The following TMEM266 variants were observed in gnomAD, a reference collection of about 807,000 sequenced individuals.
TMEM266 encodes transmembrane protein 266, also known as Hv1 related protein 1.
TMEM266 carries 33 observed loss-of-function variants against 50.5 expected under a neutral mutation model. That is an observed-to-expected ratio of 0.65 (90% confidence interval 0.50 to 0.87). The LOEUF (loss-of-function observed/expected upper bound fraction) is 0.87, where lower values mean the gene tolerates loss of function less well. Ranked by LOEUF, TMEM266 falls within the 40% of genes least tolerant of loss-of-function variation. The probability of loss-of-function intolerance (pLI) is 0.00; values close to 1 mark genes in which losing one functional copy is unlikely to be tolerated. For synonymous variants in TMEM266, 310 were observed against 292.3 expected, an observed-to-expected ratio of 1.06 and a Z score of -0.62; for missense variants, 655 against 695.1, an observed-to-expected ratio of 0.94 and a Z score of 0.65.
At chr15:76,066,581 C>A (rs1233968175) in intron 1 of TMEM266, among the ~76,000 whole-genome samples, 7 of 151,852 alleles carry the variant, frequency 4.6e-5, no homozygotes, top group Admixed American at 1.3e-4. Flanking sequence ...CTTTCTCCTT[C>A]CTGCCCTGGT....
At chr15:76,147,555 C>T (rs2037774033) in intron 3 of TMEM266, among the ~76,000 whole-genome samples, 3 of 152,234 alleles carry the variant, frequency 2.0e-5, no homozygotes, top group Admixed American at 2.0e-4. Flanking sequence ...GGACCCCAAA[C>T]TGACCCTGTG....
intron 1 of TMEM266, among the ~76,000 whole-genome samples, chr15:76,098,757 T>A (rs1283565775): frequency 2.0e-5 from 3 of 150,580 alleles, no homozygotes; most frequent in Middle Eastern, 3.4e-3. Flanking sequence ...GGCTGCTGCC[T>A]TTTTTTCAGA....
At chr15:76,130,293 T>C (rs2037489625) in intron 1 of TMEM266, among the ~76,000 whole-genome samples, 1 of 144,582 alleles carries the variant, frequency 6.9e-6, no homozygotes, top group African/African-American at 2.6e-5. Context: ...ATTCCAGCAC[T>C]TTGGGAGGCC....
intron 5 of TMEM266, among the ~76,000 whole-genome samples, chr15:76,167,228 T>C (rs530529644): frequency 4.7e-4 from 71 of 152,226 alleles, no homozygotes; most frequent in African/African-American, 1.6e-3. Context: ...CCCAGCACTT[T>C]GGGAGGCCGA....
rs1484751379 is a variant in TMEM266, at chr15:76,161,177, C to A, written c.456+1009C>A. Among the ~76,000 whole-genome samples, 1 of 152,164 alleles carries A rather than the reference C, an allele frequency of 6.6e-6. No homozygotes were observed. Among genetic ancestry groups the A allele is most frequent in the African/African-American group, 2.4e-5 (1 of 41,430 alleles). ...TCCCTGCTATGGGTACATATTAGCC[C>A]ATGCAAAGTCCCGTGGGCCTTTCAG... is the stretch of plus-strand genomic sequence containing the variant. On this transcript the variant is annotated intron_variant, in intron 5 of 10. Coordinates refer to ENST00000388942, the MANE Select transcript of TMEM266 (RefSeq NM_152335.3). The surrounding 1 kb of genome is among the most constrained non-coding windows in gnomAD (Gnocchi z 4.1).
At chr15:76,198,969 C>A (rs952406110) in intron 9 of TMEM266, among the ~76,000 whole-genome samples, 2 of 152,252 alleles carry the variant, frequency 1.3e-5, no homozygotes, top group Non-Finnish European at 2.9e-5. Context: ...ACTGAAAAGA[C>A]CCCTCATGGC....
chr15:76,137,905 G>A lies in TMEM266; in HGVS notation c.227+10G>A. 6.4e-7 allele frequency: 1 copy of A among 1,551,422 alleles called. No homozygotes were observed. The highest frequency in any genetic ancestry group is 8.7e-7 in the Non-Finnish European group (1 of 1,150,678). The stretch of plus-strand genomic sequence containing the variant: ...ATTACCAAAGAGAAGGGTAGGTGCT[G>A]GGACCATTGAGCTAGCTAAGAAGTC... On this transcript the variant is annotated intron_variant, in intron 3 of 10. Coordinates refer to ENST00000388942, the MANE Select transcript of TMEM266 (RefSeq NM_152335.3).
At chr15:76,167,467 CAAAA>C (rs552656577) in intron 5 of TMEM266, among the ~76,000 whole-genome samples, 2 of 101,220 alleles carry the variant, frequency 2.0e-5, no homozygotes, top group East Asian at 4.1e-4. Flanking sequence ...GAGACTGTTT[CAAAA>C]AAAAAAAAAA....
rs2038533486 is a variant in TMEM266, at chr15:76,189,324, AAG to A, written c.769-2642_769-2641del. 4.1e-5 allele frequency among the ~76,000 whole-genome samples: 6 copies of A among 145,524 alleles called. 1 individual carries two copies. In the South Asian group the frequency reaches 1.3e-3, roughly 31 times the overall value. On this transcript the variant is annotated intron_variant, in intron 8 of 10. Transcript: ENST00000388942. ...CATCGTGACAATCTTGTCTCAAAAAAAGAAAGAGGGAGCAGAGAAAGAAGGAG... is the reference window on the plus strand; with the variant it reads ...CATCGTGACAATCTTGTCTCAAAAAAAAAGAGGGAGCAGAGAAAGAAGGAG...
At chr15:76,188,366 A>G (rs549139956) in intron 8 of TMEM266, among the ~76,000 whole-genome samples, 1 of 152,324 alleles carries the variant, frequency 6.6e-6, no homozygotes, top group African/African-American at 2.4e-5. Flanking sequence ...TAAAGCCATC[A>G]GATTGAGGCA....
intron 3 of TMEM266, among the ~76,000 whole-genome samples, chr15:76,141,325 T>C (rs1409276447): frequency 6.6e-6 from 1 of 151,470 alleles, no homozygotes. Context: ...AACCTCCGTC[T>C]CCCAGGTTTA....
intron 1 of TMEM266, among the ~76,000 whole-genome samples, chr15:76,128,836 T>A (rs979096724): frequency 1.3e-5 from 2 of 152,204 alleles, no homozygotes; most frequent in African/African-American, 4.8e-5. Flanking sequence ...CTCCCATATC[T>A]CCTTTCCAGG....
chr15:76,111,627 C>CT (rs766700812), intron 1 of TMEM266, among the ~76,000 whole-genome samples: 45 of 151,222 alleles, frequency 3.0e-4, no homozygotes, highest in Admixed American at 3.9e-4. Context: ...AGGCTGGTCT[C>CT]TAACTCCTGA....
intron 1 of TMEM266, among the ~76,000 whole-genome samples, chr15:76,099,822 G>C (rs1013815894): frequency 2.0e-5 from 3 of 152,118 alleles, no homozygotes; most frequent in Non-Finnish European, 4.4e-5. Flanking sequence ...AGGTTTAATT[G>C]ACTCACAGTT....
At chr15:76,106,974 T>C (rs2037091069) in intron 1 of TMEM266, among the ~76,000 whole-genome samples, 1 of 152,204 alleles carries the variant, frequency 6.6e-6, no homozygotes, top group Non-Finnish European at 1.5e-5. Flanking sequence ...TATGAGTTGA[T>C]GGTGGATGTT....
chr15:76,156,769 A>G lies in TMEM266; in HGVS notation c.382+11A>G. 1 of 1,612,030 alleles carries G rather than the reference A, an allele frequency of 6.2e-7. No homozygotes were observed. Among genetic ancestry groups the G allele is most frequent in the Non-Finnish European group, 8.5e-7 (1 of 1,178,330 alleles). On this transcript the variant is annotated intron_variant, in intron 4 of 10. Transcript: ENST00000388942. ...TAAAGCTTCTCCAGTGTGAGTAGCA[A>G]GAGAGATACATATGCCAATACATAT...
At chr15:76,092,243 A>G (rs931031756) in intron 1 of TMEM266, among the ~76,000 whole-genome samples, 1 of 152,096 alleles carries the variant, frequency 6.6e-6, no homozygotes, top group African/African-American at 2.4e-5. Flanking sequence ...AATGCTGCTT[A>G]TTGGTCTTCA....
At chr15:76,111,673 G>T (rs942532127) in intron 1 of TMEM266, among the ~76,000 whole-genome samples, 6 of 152,218 alleles carry the variant, frequency 3.9e-5, no homozygotes, top group African/African-American at 1.4e-4. Context: ...CTCCCAAAGT[G>T]CTGGGATTAC....
chr15:76,078,322 A>G (rs1033789690), intron 1 of TMEM266, among the ~76,000 whole-genome samples: 1 of 152,000 alleles, frequency 6.6e-6, no homozygotes, highest in Non-Finnish European at 1.5e-5. Context: ...GGTAGTGAAT[A>G]TGAGCATTTT....
Sources: gnomAD v4.1 joint callset for allele counts (sites outside exome capture counted in the v4.1 genomes callset) on GRCh38, gnomAD v4.1.1 for gene constraint, Gnocchi (gnomAD v3.1) non-coding constraint, MANE v1.5 for transcripts, NCBI Gene and HGNC (gene_info 2026-07-23, HGNC 2026-07-21) for gene names.